The following PPP1R12A variants were observed in gnomAD, a reference collection of about 807,000 sequenced individuals.
PPP1R12A encodes protein phosphatase 1 regulatory subunit 12A.
In PPP1R12A, 19 loss-of-function variants were observed where a neutral mutation model predicts 139.6. The observed-to-expected ratio is 0.14, with a 90% CI of 0.09 to 0.20. The LOEUF (loss-of-function observed/expected upper bound fraction) is 0.20. Ranked by LOEUF, PPP1R12A falls within the 10% of genes least tolerant of loss-of-function variation. The pLI is 1.00. For synonymous variants in PPP1R12A, 427 were observed against 420.6 expected (o/e 1.02, Z -0.19); for missense variants, 925 against 1,211.5 (o/e 0.76, Z 3.51).
chr12:79,862,521 G>A (rs1202799352), intron 2 of PPP1R12A, among the ~76,000 whole-genome samples: 2 of 152,206 alleles, frequency 1.3e-5, no homozygotes, highest in East Asian at 1.9e-4. Flanking sequence ...AAACTTCTCC[G>A]AGCTAAAAGA....
intron 19 of PPP1R12A, among the ~76,000 whole-genome samples, chr12:79,791,516 CAG>C (rs1243030535): frequency 6.6e-6 from 1 of 152,110 alleles, no homozygotes; most frequent in Non-Finnish European, 1.5e-5. Flanking sequence ...ACTGTGGAGA[CAG>C]TGTCTCCCTA....
intron 3 of PPP1R12A, among the ~76,000 whole-genome samples, chr12:79,837,991 A>C (rs995757756): frequency 1.3e-5 from 2 of 152,200 alleles, no homozygotes; most frequent in Non-Finnish European, 2.9e-5. Flanking sequence ...TGTGGAAGCA[A>C]TTTTGAAACT....
chr12:79,800,845 T>C (rs1406395741), intron 14 of PPP1R12A, among the ~76,000 whole-genome samples: 2 of 151,564 alleles, frequency 1.3e-5, no homozygotes, highest in Non-Finnish European at 2.9e-5. Context: ...ACCATTCTCC[T>C]GCCTCAGCCT....
intron 1 of PPP1R12A, among the ~76,000 whole-genome samples, chr12:79,918,100 C>T (rs1036378667): frequency 3.3e-5 from 5 of 151,446 alleles, no homozygotes; most frequent in African/African-American, 1.2e-4. Flanking sequence ...TTCTTCTGAA[C>T]TGAAAAGTAC....
In PPP1R12A at chr12:79,815,034, A is replaced by C. The variant is rs78534425; in HGVS notation, c.1239+2360T>G. Among the ~76,000 whole-genome samples, 785 of 152,270 alleles carry C rather than the reference A, an allele frequency of 5.2e-3. 5 individuals carry two copies. Among genetic ancestry groups the C allele is most frequent in the African/African-American group, 0.018 (746 of 41,544 alleles). On this transcript the variant is annotated intron_variant, in intron 9 of 24. Transcript: ENST00000450142. ...AGAATCAAGAGTGATTTTGAATAAG[A>C]ACTTTTACAGCAAAGAGATTACTGG...
rs758609983 is a variant in PPP1R12A, at chr12:79,809,914, A to G, written c.1336T>C (p.Tyr446His). ...GCTGTGATTTCAGCAAGTGCACCAT[A>G]GCTGCCCGTCTTTCTAAGTCCTAAC... ...WRLGLRKTGSYGALAEITASK... is the reference protein window; with the variant it reads ...WRLGLRKTGSHGALAEITASK... The change falls in exon 10 of 25, where the codon TAT becomes CAT. Residue 446 changes from tyrosine to histidine, a missense_variant. This residue lies in a region of PPP1R12A where 403 missense variants were observed against 463.7 expected (regional missense o/e 0.87). Transcript: ENST00000450142. The G allele has an allele frequency of 6.2e-7, 1 of 1,613,504 alleles. No individual in the cohort carries two copies. Among genetic ancestry groups the G allele is most frequent in the Admixed American group, 1.7e-5 (1 of 59,956 alleles).
At position 79,822,136 on chromosome 12, in the gene PPP1R12A, A is replaced by C; in HGVS notation, c.847T>G (p.Leu283Val). 6.3e-7 allele frequency: 1 copy of C among 1,580,830 alleles called. No individual in the cohort carries two copies. Among genetic ancestry groups the C allele is most frequent in the Non-Finnish European group, 8.6e-7 (1 of 1,159,966 alleles). ...DEDILGYLEE[L>V]QKKQNLLHSE... Reference sequence around the variant, plus strand: ...CATACCAGATTTTGTTTCTTTTGCAACTCTTCTAAATATCCTAAAATGTCT... The same window carrying C: ...CATACCAGATTTTGTTTCTTTTGCACCTCTTCTAAATATCCTAAAATGTCT... Residue 283 changes from leucine (L) to valine (V), a missense_variant, in exon 6 of 25, where the codon TTG becomes GTG. This residue lies in a region of PPP1R12A where 403 missense variants were observed against 463.7 expected (regional missense o/e 0.87). Coordinates refer to ENST00000450142, the MANE Select transcript of PPP1R12A (RefSeq NM_002480.3).
chr12:79,868,615 TGA>T (rs1882240374), intron 2 of PPP1R12A, among the ~76,000 whole-genome samples: 1 of 152,170 alleles, frequency 6.6e-6, no homozygotes, highest in Admixed American at 6.5e-5. Flanking sequence ...TTCCTGTCTA[TGA>T]GAGGGGCCCT....
At chr12:79,881,788 G>T (rs1883663566) in intron 1 of PPP1R12A, among the ~76,000 whole-genome samples, 1 of 152,140 alleles carries the variant, frequency 6.6e-6, no homozygotes, top group South Asian at 2.1e-4. Flanking sequence ...AGTTTCCACG[G>T]ACAGTTTGAA....
intron 4 of PPP1R12A, 44 bp downstream of exon 4, chr12:79,832,288 A>G (rs753852658): frequency 2.4e-5 from 37 of 1,522,788 alleles, no homozygotes; most frequent in Admixed American, 4.2e-5. Context: ...ATGAATAAAG[A>G]AGACAAACTA....
chr12:79,879,082 G>A (rs1883384048), intron 1 of PPP1R12A, among the ~76,000 whole-genome samples: 1 of 152,108 alleles, frequency 6.6e-6, no homozygotes, highest in Non-Finnish European at 1.5e-5. Context: ...AAACGGTAAT[G>A]TGGAAAAACA....
At chr12:79,914,120 T>C (rs1434556174) in intron 1 of PPP1R12A, among the ~76,000 whole-genome samples, 1 of 152,180 alleles carries the variant, frequency 6.6e-6, no homozygotes, top group African/African-American at 2.4e-5. Context: ...AATAAATATT[T>C]AAAAGTTTTT....
Position 79,822,176 on chromosome 12 carries a change from A to G in PPP1R12A, c.807T>C (p.Phe269=), listed in dbSNP as rs1438408956. The change falls in exon 6 of 25, where the codon TTT becomes TTC. Residue 269 remains phenylalanine, a synonymous_variant. Coordinates refer to ENST00000450142, the MANE Select transcript of PPP1R12A (RefSeq NM_002480.3). ...CTAAAATGTCTTCATCTGCTACATCAAAGGCTGTTTGGCCCTACGTAGGAA... is the reference window on the plus strand; with the variant it reads ...CTAAAATGTCTTCATCTGCTACATCGAAGGCTGTTTGGCCCTACGTAGGAA... ...EMVNKVGQTA[F]DVADEDILGY... is the part of the protein sequence containing the mutation. The G allele has an allele frequency of 4.4e-6, 7 of 1,590,694 alleles. No homozygotes were observed. The highest frequency in any genetic ancestry group is 6.0e-6 in the Non-Finnish European group (7 of 1,166,238).
At chr12:79,837,136 GT>G (rs1278228246) in intron 3 of PPP1R12A, among the ~76,000 whole-genome samples, 4 of 151,916 alleles carry the variant, frequency 2.6e-5, no homozygotes, top group African/African-American at 9.7e-5. Context: ...CATTTAACTG[GT>G]CCTTAACCCA....
Position 79,808,586 on chromosome 12 carries a change from C to T in PPP1R12A, c.1456-9G>A. ...CCTTTACTATCTTTCTCCTACACAA[C>T]AGGGAAAAAAATAAGTAAAAATTAA... On this transcript the variant is annotated splice_polypyrimidine_tract_variant and intron_variant, in intron 10 of 24. Transcript: ENST00000450142. 1 of 1,547,390 alleles carries T rather than the reference C, an allele frequency of 6.5e-7. No individual in the cohort carries two copies.
intron 10 of PPP1R12A, among the ~76,000 whole-genome samples, chr12:79,808,799 T>G (rs1214722316): frequency 6.6e-6 from 1 of 152,176 alleles, no homozygotes; most frequent in Non-Finnish European, 1.5e-5. Flanking sequence ...AGATAATATT[T>G]TACTAAGAAA....
At chr12:79,834,806 A>G (rs755484526) in intron 3 of PPP1R12A, among the ~76,000 whole-genome samples, 43 of 152,122 alleles carry the variant, frequency 2.8e-4, no homozygotes, top group Non-Finnish European at 4.9e-4. Flanking sequence ...TTCCCCAACC[A>G]TTCTATTTGC....
At chr12:79,895,327 A>C (rs1191608227) in intron 1 of PPP1R12A, among the ~76,000 whole-genome samples, 1 of 152,180 alleles carries the variant, frequency 6.6e-6, no homozygotes. Flanking sequence ...TTCCTGGAAA[A>C]AAAAACAGGA....
Position 79,865,550 on chromosome 12 carries a change from G to T in PPP1R12A, c.368+7258C>A, listed in dbSNP as rs115852276. ...AATTGTCTCTGTTTACAGATGATAA[G>T]ATTGTATATTTACAAAACCCCATCG... On this transcript the variant is annotated intron_variant, in intron 2 of 24. Coordinates refer to ENST00000450142, the MANE Select transcript of PPP1R12A (RefSeq NM_002480.3). Among the ~76,000 whole-genome samples, 409 of 152,266 alleles carry T rather than the reference G, an allele frequency of 2.7e-3. 2 individuals are homozygous for T. The highest frequency in any genetic ancestry group is 9.5e-3 in the African/African-American group (395 of 41,564).
Sources: allele counts gnomAD v4.1 joint callset (sites outside exome capture counted in the v4.1 genomes callset), GRCh38; gene constraint gnomAD v4.1.1; regional missense constraint gnomAD v4.1.1; transcripts MANE v1.5; gene names NCBI Gene and HGNC (gene_info 2026-07-23, HGNC 2026-07-21).